HDAC9: variants seen among roughly 807,000 people sequenced by gnomAD.
The protein encoded by HDAC9 is histone deacetylase 9.
HDAC9 carries 41 observed loss-of-function variants against 139.4 expected under a neutral mutation model. That is an observed-to-expected ratio of 0.29 (90% CI 0.23 to 0.38). The LOEUF is 0.38. Among genes scored for constraint, HDAC9 ranks in the 10% least tolerant of loss-of-function variants. The pLI is 1.00. For synonymous variants in HDAC9, 517 were observed against 476.2 expected (o/e 1.09, Z -1.12); for missense variants, 1,147 against 1,297.0 (o/e 0.88, Z 1.78).
In HDAC9 at chr7:18,975,966, C is replaced by T. The variant is rs201579079; in HGVS notation, c.3170+13C>T. The T allele has an allele frequency of 2.0e-4, 330 of 1,611,750 alleles. 2 individuals are homozygous for T. The African/African-American group carries it at 3.5e-3, about 17-fold the overall frequency. ...AGGAAGACAGCAGGTATGAATCCAA[C>T]GTGCGGGAATAATCCGGGTCAGTCA... On this transcript the variant is annotated intron_variant, in intron 25 of 25. Transcript: ENST00000686413.
chr7:18,474,983 A>G (rs1261451387), intron 1 of HDAC9, among the ~76,000 whole-genome samples: 1 of 152,238 alleles, frequency 6.6e-6, no homozygotes, highest in Non-Finnish European at 1.5e-5. Context: ...TGTAATTGAA[A>G]GATAGTCACA....
At chr7:18,977,538 C>T (rs138601432) in intron 25 of HDAC9, among the ~76,000 whole-genome samples, 1 of 152,250 alleles carries the variant, frequency 6.6e-6, no homozygotes, top group East Asian at 1.9e-4. Flanking sequence ...GGAATTGGCC[C>T]TGTAGGCAAA....
At chr7:18,152,259 C>CTTG (rs1414711159) in intron 1 of HDAC9, among the ~76,000 whole-genome samples, 1 of 152,048 alleles carries the variant, frequency 6.6e-6, no homozygotes, top group Non-Finnish European at 1.5e-5. Context: ...CCCTAGTGAC[C>CTTG]CTGCAAGTAA....
chr7:18,824,276 G>T (rs2520362), intron 17 of HDAC9, among the ~76,000 whole-genome samples: 74,863 of 151,848 alleles, frequency 0.49, 18,694 homozygotes, highest in South Asian at 0.72. Flanking sequence ...CTGTGAGAGA[G>T]GCATGTCTGT....
intron 1 of HDAC9, among the ~76,000 whole-genome samples, chr7:18,386,165 G>A (rs778577645): frequency 3.3e-5 from 5 of 152,112 alleles, no homozygotes; most frequent in Non-Finnish European, 7.3e-5. Context: ...CCCCAACTCT[G>A]AACTCCCATA....
intron 22 of HDAC9, among the ~76,000 whole-genome samples, chr7:18,911,485 C>T (rs1802736703): frequency 6.6e-6 from 1 of 151,304 alleles, no homozygotes; most frequent in African/African-American, 2.4e-5. Flanking sequence ...TTTTGTTCAT[C>T]TTTTGTATTT....
At chr7:18,513,321 A>T (rs1802130526) in intron 2 of HDAC9, among the ~76,000 whole-genome samples, 1 of 152,222 alleles carries the variant, frequency 6.6e-6, no homozygotes, top group Admixed American at 6.5e-5. Context: ...CTCAAAAAAT[A>T]ACTTGAGACC....
intron 2 of HDAC9, among the ~76,000 whole-genome samples, chr7:18,254,905 C>G (rs973617450): frequency 1.3e-5 from 2 of 151,892 alleles, no homozygotes; most frequent in East Asian, 3.9e-4. Flanking sequence ...TCATGAATAA[C>G]CAAAACTGAA....
chr7:18,888,448 T>C (rs976545702), intron 22 of HDAC9, among the ~76,000 whole-genome samples: 2 of 152,066 alleles, frequency 1.3e-5, no homozygotes, highest in South Asian at 4.2e-4. Flanking sequence ...AAATAAGAAA[T>C]GAGCTTTCAC....
intron 12 of HDAC9, among the ~76,000 whole-genome samples, chr7:18,707,839 CAG>C (rs1018698186): frequency 2.1e-5 from 3 of 142,400 alleles, no homozygotes. Context: ...GAAGGGAACA[CAG>C]GGAGGGGAAA....
intron 11 of HDAC9, among the ~76,000 whole-genome samples, chr7:18,658,316 A>G (rs773657660): frequency 4.7e-4 from 71 of 152,172 alleles, no homozygotes; most frequent in Non-Finnish European, 8.8e-5. Context: ...TGGGTGGGCA[A>G]TGTTCTCAAA....
intron 1 of HDAC9, among the ~76,000 whole-genome samples, chr7:18,383,627 T>C (rs1028931342): frequency 1.3e-5 from 2 of 151,712 alleles, no homozygotes; most frequent in Non-Finnish European, 2.9e-5. Context: ...GAAGATAATA[T>C]AGATATGCAT....
intron 24 of HDAC9, among the ~76,000 whole-genome samples, chr7:18,974,333 T>C (rs1263746539): frequency 6.6e-6 from 1 of 152,184 alleles, no homozygotes; most frequent in Non-Finnish European, 1.5e-5. Flanking sequence ...CTTCCCATAC[T>C]TTTCCATCAT....
intron 1 of HDAC9, among the ~76,000 whole-genome samples, chr7:18,379,006 A>G (rs1388252862): frequency 6.6e-6 from 1 of 152,164 alleles, no homozygotes; most frequent in Non-Finnish European, 1.5e-5. Context: ...TAGAAGATTT[A>G]TACCTAAAAA....
intron 1 of HDAC9, among the ~76,000 whole-genome samples, chr7:18,441,903 G>A (rs1791804728): frequency 6.6e-6 from 1 of 152,132 alleles, no homozygotes; most frequent in South Asian, 2.1e-4. Context: ...GAGTAGCTGG[G>A]ACTACGGGCG....
intron 1 of HDAC9, among the ~76,000 whole-genome samples, chr7:18,424,763 C>T (rs1370615271): frequency 1.3e-5 from 2 of 152,050 alleles, no homozygotes; most frequent in African/African-American, 4.8e-5. Context: ...GCAAAAAAAT[C>T]AGCTGGGCGT....
At chr7:18,191,511 G>T (rs891943791) in intron 2 of HDAC9, among the ~76,000 whole-genome samples, 10 of 152,146 alleles carry the variant, frequency 6.6e-5, no homozygotes, top group Non-Finnish European at 1.5e-4. Flanking sequence ...ATCATTCTTT[G>T]TTTCAAATGT....
At chr7:18,294,372 G>T (rs910694427) in intron 1 of HDAC9, among the ~76,000 whole-genome samples, 1 of 152,048 alleles carries the variant, frequency 6.6e-6, no homozygotes, top group African/African-American at 2.4e-5. Context: ...TGCTAGGGGT[G>T]TTGTATTAAT....
intron 6 of HDAC9, among the ~76,000 whole-genome samples, chr7:18,597,481 C>T (rs1832820392): frequency 6.6e-6 from 1 of 152,000 alleles, no homozygotes; most frequent in African/African-American, 2.4e-5. Context: ...TTATATAGTA[C>T]ACTGCTGAAC....
Sources: gnomAD v4.1 joint callset for allele counts (sites outside exome capture counted in the v4.1 genomes callset) on GRCh38, gnomAD v4.1.1 for gene constraint, MANE v1.5 for transcripts, NCBI Gene and HGNC (gene_info 2026-07-23, HGNC 2026-07-21) for gene names.